The following RYR2 variants were observed in gnomAD, a reference collection of about 807,000 sequenced individuals.
RYR2 encodes the protein ryanodine receptor 2.
In RYR2, 227 loss-of-function variants were observed where a neutral mutation model predicts 601.1. The observed-to-expected ratio is 0.38, with a 90% CI of 0.34 to 0.42. The LOEUF is 0.42. RYR2 is among the 10% of genes least tolerant of loss of function. The pLI, the probability that RYR2 is intolerant of heterozygous loss-of-function variation, is 1.00. For missense variants in RYR2, 4,646 were observed against 6,156.5 expected, an observed-to-expected ratio of 0.75 and a Z score of 8.21; for synonymous variants, 2,223 against 2,175.1, an observed-to-expected ratio of 1.02 and a Z score of -0.61.
chr1:237,555,890 A>G (rs1196759707), intron 27 of RYR2, among the ~76,000 whole-genome samples: 1 of 152,186 alleles, frequency 6.6e-6, no homozygotes, highest in Admixed American at 6.5e-5. Context: ...TCCCCTGCAC[A>G]TAGAAATATG....
intron 44 of RYR2, among the ~76,000 whole-genome samples, chr1:237,635,439 T>C (rs1314385117): frequency 6.6e-6 from 1 of 152,208 alleles, no homozygotes; most frequent in Non-Finnish European, 1.5e-5. Context: ...TGACATCTCA[T>C]ATGTACATTT....
At chr1:237,057,393 G>A (rs111257915) in intron 1 of RYR2, among the ~76,000 whole-genome samples, 6,002 of 152,140 alleles carry the variant, frequency 0.039, 392 homozygotes, top group African/African-American at 0.14. Context: ...CGCCACGTTA[G>A]CCAGGATGGT....
At chr1:237,380,869 G>A (rs1279134273) in intron 8 of RYR2, among the ~76,000 whole-genome samples, 1 of 152,020 alleles carries the variant, frequency 6.6e-6, no homozygotes, top group Non-Finnish European at 1.5e-5. Context: ...CCTGAGGTCA[G>A]GAATTCAGGA....
In RYR2 at chr1:237,722,992, G is replaced by C. The variant is rs1689876315; in HGVS notation, c.10555-136G>C. ...GACCTGTTCATCCTACATAACTGCA[G>C]CTGCGCGTCATGTCTTAACTGGTAA... On this transcript the variant is annotated intron_variant, in intron 73 of 104. Coordinates refer to ENST00000366574, the MANE Select transcript of RYR2 (RefSeq NM_001035.3). 4.5e-6 allele frequency: 3 copies of C among 669,504 alleles called. No homozygotes were observed. The South Asian group carries it at 6.9e-5, about 15-fold the overall frequency. The allele number at this position is 669,504 out of a possible 1,614,324, so 41.5% of individuals were successfully genotyped here.
intron 27 of RYR2, among the ~76,000 whole-genome samples, chr1:237,554,207 G>C (rs1670668055): frequency 6.6e-6 from 1 of 151,722 alleles, no homozygotes; most frequent in Non-Finnish European, 1.5e-5. Flanking sequence ...TCATAAATAG[G>C]GTCATGAATT....
At chr1:237,084,823 A>G (rs1364161519) in intron 1 of RYR2, among the ~76,000 whole-genome samples, 2 of 152,230 alleles carry the variant, frequency 1.3e-5, no homozygotes, top group Non-Finnish European at 2.9e-5. Flanking sequence ...TTAACTGCTA[A>G]TTTCACCCTC....
At chr1:237,397,980 C>A (rs1703020273) in intron 10 of RYR2, among the ~76,000 whole-genome samples, 1 of 152,126 alleles carries the variant, frequency 6.6e-6, no homozygotes, top group South Asian at 2.1e-4. Context: ...CTCGGCCTCC[C>A]AAAGTGCTGG....
At chr1:237,699,103 C>T (rs1309076981) in intron 64 of RYR2, 78 bp downstream of exon 64, 12 of 666,940 alleles carry the variant, frequency 1.8e-5, no homozygotes, top group Non-Finnish European at 7.4e-6. Context: ...TAAGAAGGAC[C>T]CAGTGTCTGG....
chr1:237,267,125 A>C (rs1299310612), intron 1 of RYR2, among the ~76,000 whole-genome samples: 1 of 152,154 alleles, frequency 6.6e-6, no homozygotes, highest in Non-Finnish European at 1.5e-5. Flanking sequence ...CACGAGCTCT[A>C]ATTTCTGATT....
At chr1:237,178,416 C>CTGTGTGTG (rs201867544) in intron 1 of RYR2, among the ~76,000 whole-genome samples, 50 of 129,784 alleles carry the variant, frequency 3.9e-4, no homozygotes, top group Middle Eastern at 3.9e-3. Context: ...AGTTAAGGCT[C>CTGTGTGTG]TGTGTGTGTG....
intron 2 of RYR2, among the ~76,000 whole-genome samples, chr1:237,325,736 G>T (rs1308441034): frequency 1.3e-5 from 2 of 151,848 alleles, no homozygotes; most frequent in Admixed American, 1.3e-4. Flanking sequence ...AAAGAAAAAG[G>T]ACTGGAAATA....
rs1021680950 is a variant in RYR2 at position 237,747,239 on chromosome 1, G to A, written c.11145+4890G>A. ...GGGCAAGCTGCATCTTCCTTTTGGC[G>A]AATGCCCAGTTTCTAATTGACAGAT... On this transcript the variant is annotated intron_variant, in intron 80 of 104. Transcript: ENST00000366574. Among the ~76,000 whole-genome samples the A allele has an allele frequency of 3.3e-5, 5 of 152,272 alleles. No homozygotes were observed. In the South Asian group the frequency reaches 6.2e-4, roughly 19 times the overall value.
chr1:237,479,994 A>G (rs1006169719), intron 17 of RYR2, among the ~76,000 whole-genome samples: 1 of 152,152 alleles, frequency 6.6e-6, no homozygotes, highest in African/African-American at 2.4e-5. Flanking sequence ...GATGAGGCCA[A>G]TTTTGCTCCT....
At chr1:237,170,940 C>G (rs1039215500) in intron 1 of RYR2, among the ~76,000 whole-genome samples, 2 of 152,022 alleles carry the variant, frequency 1.3e-5, no homozygotes, top group African/African-American at 4.8e-5. Flanking sequence ...CTGGAGGTTC[C>G]AGGAGGGATA....
intron 101 of RYR2, among the ~76,000 whole-genome samples, chr1:237,821,918 G>C (rs1013990370): frequency 6.6e-6 from 1 of 151,526 alleles, no homozygotes; most frequent in African/African-American, 2.4e-5. Flanking sequence ...GCAGAAGAAA[G>C]GATATCAGAG....
chr1:237,773,986 A>G (rs1258125315), intron 87 of RYR2, among the ~76,000 whole-genome samples: 1 of 152,202 alleles, frequency 6.6e-6, no homozygotes, highest in Non-Finnish European at 1.5e-5. Context: ...TTCCACTAAA[A>G]GTGGGAAGAA....
intron 1 of RYR2, among the ~76,000 whole-genome samples, chr1:237,052,535 C>T (rs908951158): frequency 6.6e-6 from 1 of 152,100 alleles, no homozygotes; most frequent in Non-Finnish European, 1.5e-5. Flanking sequence ...TCTTTTGTAG[C>T]GTTTCAGGAA....
Position 237,496,712 on chromosome 1 carries a change from T to A in RYR2, c.2163T>A (p.Asp721Glu), listed in dbSNP as rs765266663. ...GGGGTGGAAATGGTGTTGGAGATGA[T>A]CTCTTCTCCTATGGATTTGATGGCC... ...EEWGGNGVGDDLFSYGFDGLH... is the reference protein window; with the variant it reads ...EEWGGNGVGDELFSYGFDGLH... The change falls in exon 20 of 105, where the codon GAT becomes GAA. Residue 721 changes from aspartate to glutamate, a missense_variant. By Grantham distance (45) the Asp-to-Glu change is conservative (BLOSUM62 2). Coordinates refer to ENST00000366574, the MANE Select transcript of RYR2 (RefSeq NM_001035.3). The A allele has an allele frequency of 6.2e-7, 1 of 1,613,806 alleles. No individual in the cohort carries two copies. The highest frequency in any genetic ancestry group is 1.1e-5 in the South Asian group (1 of 91,080).
chr1:237,421,012 G>A (rs1049692563), intron 11 of RYR2, among the ~76,000 whole-genome samples: 1 of 152,306 alleles, frequency 6.6e-6, no homozygotes, highest in East Asian at 1.9e-4. Context: ...AGGCTGAGGC[G>A]GGCAGATCAC....
Sources: gnomAD v4.1 joint callset for allele counts (sites outside exome capture counted in the v4.1 genomes callset) on GRCh38, gnomAD v4.1.1 for gene constraint, MANE v1.5 for transcripts, NCBI Gene and HGNC (gene_info 2026-07-23, HGNC 2026-07-21) for gene names.